OC90: variants seen among roughly 807,000 people sequenced by gnomAD.
OC90 encodes otoconin 90, also known as otoconin-90.
A neutral mutation model predicts 47.3 loss-of-function variants in OC90; 46 were observed. The observed-to-expected ratio is 0.97, with a 90% CI of 0.77 to 1.24. The LOEUF is 1.24. Ranked by LOEUF, OC90 falls within the 50% of genes most tolerant of loss-of-function variation. The probability of loss-of-function intolerance (pLI) is 0.00; values close to 1 mark genes in which losing one functional copy is unlikely to be tolerated. For synonymous variants in OC90, 271 were observed against 219.5 expected (o/e 1.23, Z -2.07); for missense variants, 688 against 583.9 (o/e 1.18, Z -1.84).
intron 11 of OC90, 54 bp from the exon 12 acceptor site, chr8:132,032,106 A>C: frequency 7.2e-5 from 112 of 1,546,596 alleles, no homozygotes; most frequent in Non-Finnish European, 8.2e-5. Context: ...CAGCTGTCTC[A>C]ACAGGAAGGC....
chr8:132,036,504 T>A (rs1397628148), intron 9 of OC90: 7 of 771,528 alleles, frequency 9.1e-6, no homozygotes, highest in African/African-American at 3.4e-5. Flanking sequence ...GGGCTGAGGA[T>A]GTAAGAGAGG....
intron 8 of OC90, among the ~76,000 whole-genome samples, chr8:132,037,818 G>T (rs183253721): frequency 6.6e-6 from 1 of 152,172 alleles, no homozygotes; most frequent in African/African-American, 2.4e-5. Flanking sequence ...AGGGAGGCAG[G>T]GGGTGTTGAG....
intron 4 of OC90, among the ~76,000 whole-genome samples, chr8:132,044,203 G>C (rs1823099522): frequency 6.6e-6 from 1 of 152,140 alleles, no homozygotes; most frequent in Non-Finnish European, 1.5e-5. Flanking sequence ...GGAGAGTTGT[G>C]AGTCAGGACT....
intron 2 of OC90, among the ~76,000 whole-genome samples, chr8:132,048,245 CT>C (rs1274618829): frequency 1.3e-5 from 2 of 152,216 alleles, no homozygotes; most frequent in Non-Finnish European, 2.9e-5. Flanking sequence ...AAAAGAAAAA[CT>C]TTCAAATATG....
chr8:132,039,629 A>G (rs6471029), intron 6 of OC90, among the ~76,000 whole-genome samples: 94,222 of 151,882 alleles, frequency 0.62, 29,757 homozygotes, highest in East Asian at 0.75. Flanking sequence ...TGCTCCCCTG[A>G]CCCACGACCC....
intron 9 of OC90, chr8:132,036,490 T>G: frequency 3.9e-6 from 3 of 775,324 alleles, no homozygotes; most frequent in Non-Finnish European, 4.8e-6. Context: ...GGAAACAGAT[T>G]TGGGGGCTGA....
chr8:132,032,753 A>G (rs1028368359), intron 11 of OC90, among the ~76,000 whole-genome samples: 1 of 152,182 alleles, frequency 6.6e-6, no homozygotes, highest in Non-Finnish European at 1.5e-5. Flanking sequence ...GGTGTGGACG[A>G]AGCCAAGCTC....
At position 132,041,054 on chromosome 8, in the gene OC90, C is replaced by T; in HGVS notation, c.447G>A (p.Lys149=). 1 of 1,592,588 alleles carries T rather than the reference C, an allele frequency of 6.3e-7. No homozygotes were observed. The highest frequency in any genetic ancestry group is 8.6e-7 in the Non-Finnish European group (1 of 1,160,288). Residue 149 remains lysine (K), a synonymous_variant, in exon 6 of 14, where the codon AAG becomes AAA. Transcript: ENST00000254627. ...CCTGGAGATGCTTACCACATATGATCTTCTTGCTGACACAATTGACCTCTG... is the reference window on the plus strand; with the variant it reads ...CCTGGAGATGCTTACCACATATGATTTTCTTGCTGACACAATTGACCTCTG... ...LSTEVNCVSK[K]IICESKDNCE...
chr8:132,040,310 T>C (rs756458522), intron 6 of OC90, among the ~76,000 whole-genome samples: 1 of 152,194 alleles, frequency 6.6e-6, no homozygotes, highest in Non-Finnish European at 1.5e-5. Flanking sequence ...CTAAATAGGG[T>C]TGTAAGGAAG....
At chr8:132,048,354 T>C (rs1823163218) in intron 2 of OC90, among the ~76,000 whole-genome samples, 1 of 152,206 alleles carries the variant, frequency 6.6e-6, no homozygotes, top group African/African-American at 2.4e-5. Context: ...TGGAAAGCCA[T>C]TGTAAAGGCC....
chr8:132,039,183 T>C, intron 6 of OC90, 60 bp from the exon 7 acceptor site: 1 of 1,543,422 alleles, frequency 6.5e-7, no homozygotes, highest in South Asian at 1.2e-5. Flanking sequence ...CAAGAGGTAA[T>C]GCAAGCTCCA....
At chr8:132,033,657 T>A (rs1822910017) in intron 10 of OC90, among the ~76,000 whole-genome samples, 1 of 152,226 alleles carries the variant, frequency 6.6e-6, no homozygotes, top group Admixed American at 6.5e-5. Context: ...CTTCCTGTGG[T>A]CTGCAAGGAT....
Position 132,038,834 on chromosome 8 carries a change from G to A in OC90, c.587-3C>T, listed in dbSNP as rs1225520636. 6.8e-6 allele frequency: 11 copies of A among 1,613,802 alleles called. No individual in the cohort carries two copies. The highest frequency in any genetic ancestry group is 9.3e-6 in the Non-Finnish European group (11 of 1,179,758). On this transcript the variant is annotated splice_polypyrimidine_tract_variant and splice_region_variant and intron_variant, in intron 7 of 13. Transcript: ENST00000254627. ...CAAGTCTTCCTTGATGGTTGTCTCT[G>A]AAAAGAAAACACTTTGGAAAGTCTG...
intron 4 of OC90, 81 bp downstream of exon 4, chr8:132,044,352 C>G (rs372475017): frequency 4.6e-5 from 37 of 805,848 alleles, no homozygotes; most frequent in South Asian, 4.1e-4. Flanking sequence ...GGGTTGAGAC[C>G]AAGGCCCTTG....
At chr8:132,026,181 C>T (rs1586704383) in intron 13 of OC90, among the ~76,000 whole-genome samples, 2 of 152,294 alleles carry the variant, frequency 1.3e-5, no homozygotes, top group Admixed American at 1.3e-4. Flanking sequence ...GTATGAGTTG[C>T]ATGCAGTGGG....
Position 132,049,420 on chromosome 8 carries a change from A to C in OC90, c.47-3537T>G, listed in dbSNP as rs187225104. ...GCCCGAGGATCTCACGCAATTCAAA[A>C]CTTGCGTCCTTTATGTTTTCACAGT... On this transcript the variant is annotated intron_variant, in intron 2 of 13. Transcript: ENST00000254627. Among the ~76,000 whole-genome samples, 406 of 152,276 alleles carry C rather than the reference A, an allele frequency of 2.7e-3. 1 individual carries two copies. The highest frequency in any genetic ancestry group is 9.4e-3 in the African/African-American group (392 of 41,546).
intron 2 of OC90, among the ~76,000 whole-genome samples, chr8:132,047,888 C>A (rs1296181381): frequency 6.6e-6 from 1 of 152,160 alleles, no homozygotes; most frequent in Non-Finnish European, 1.5e-5. Context: ...CGTACTTAAA[C>A]CTCAAGGTGA....
At chr8:132,043,777 A>G (rs983873756) in intron 4 of OC90, among the ~76,000 whole-genome samples, 4 of 152,248 alleles carry the variant, frequency 2.6e-5, no homozygotes, top group Non-Finnish European at 4.4e-5. Context: ...GTAAATATGC[A>G]TTTTCATTCA....
In OC90 at chr8:132,035,787, C is replaced by G. The variant is rs115274129; in HGVS notation, c.680-953G>C. Among the ~76,000 whole-genome samples the G allele has an allele frequency of 6.0e-3, 910 of 152,272 alleles. 11 individuals carry two copies. The highest frequency in any genetic ancestry group is 0.02 in the African/African-American group (842 of 41,546). ...GCTGAACTACCCTGGGCAAATGACTCTACTTCTCAGAGCTTCTTGTTTGTC... is the reference window on the plus strand; with the variant it reads ...GCTGAACTACCCTGGGCAAATGACTGTACTTCTCAGAGCTTCTTGTTTGTC... On this transcript the variant is annotated intron_variant, in intron 9 of 13. Transcript: ENST00000254627.
Sources: gnomAD v4.1 joint callset for allele counts (sites outside exome capture counted in the v4.1 genomes callset) on GRCh38, gnomAD v4.1.1 for gene constraint, MANE v1.5 for transcripts, NCBI Gene and HGNC (gene_info 2026-07-23, HGNC 2026-07-21) for gene names.